AQP10: variants seen among roughly 807,000 people sequenced by gnomAD.
AQP10 encodes the protein aquaporin-10.
A neutral mutation model predicts 21.0 loss-of-function variants in AQP10; 15 were observed. The ratio of observed to expected loss-of-function variants is 0.71; its 90% CI spans 0.48 to 1.10. The LOEUF (loss-of-function observed/expected upper bound fraction) is 1.10, where lower values mean the gene tolerates loss of function less well. AQP10 is among the 50% of genes least tolerant of loss of function. The probability of loss-of-function intolerance (pLI) is 0.00; values close to 1 mark genes in which losing one functional copy is unlikely to be tolerated. For missense variants in AQP10, 268 were observed against 379.5 expected (o/e 0.71, Z 2.44); for synonymous variants, 143 against 155.7 (o/e 0.92, Z 0.61).
At position 154,324,212 on chromosome 1, in the gene AQP10, C is replaced by T. The variant is rs899101361; in HGVS notation, c.708-70C>T. On this transcript the variant is annotated intron_variant, in intron 5 of 5. Transcript: ENST00000324978. ...CTTTAGGGCACTCTCTTGTTACTGC[C>T]CCCCGTCCTTGGAGAGGGGAAGGCT... 2.8e-6 allele frequency: 4 copies of T among 1,407,540 alleles called. No individual in the cohort carries two copies. The African/African-American group carries it at 5.7e-5, about 20-fold the overall frequency. 87.2% of individuals were successfully genotyped at this position (1,407,540 alleles called of 1,614,324 possible).
At position 154,325,277 on chromosome 1, in the gene AQP10, G is replaced by T. The variant is rs1685741031; in HGVS notation, c.*797G>T. ...GGATGCTCGTTTTGCAGAGAAGGCA[G>T]TGTTCCTCTATTCCCTTCTTCCGAA... On this transcript the variant is annotated 3_prime_UTR_variant, in exon 6 of 6. Transcript: ENST00000324978. The T allele has an allele frequency of 6.6e-6, 1 of 152,264 alleles. No homozygotes were observed. Among genetic ancestry groups the T allele is most frequent in the Non-Finnish European group, 1.5e-5 (1 of 68,066 alleles). 9.4% of individuals were successfully genotyped at this position (152,264 alleles called of 1,614,324 possible).
intron 5 of AQP10, 156 bp from the exon 6 acceptor site, chr1:154,324,126 T>C: frequency 9.0e-7 from 1 of 1,110,926 alleles, no homozygotes; most frequent in Non-Finnish European, 1.2e-6. Flanking sequence ...TTCCCTCTTC[T>C]AAATACTATG....
chr1:154,321,835 T>G, intron 1 of AQP10, 98 bp from the exon 2 acceptor site: 2 of 1,539,090 alleles, frequency 1.3e-6, no homozygotes, highest in Non-Finnish European at 1.8e-6. Flanking sequence ...TTGTCTTCTG[T>G]GCTCATTCAT....
At position 154,323,395 on chromosome 1, in the gene AQP10, G is replaced by T. The variant is rs765827342; in HGVS notation, c.489+36G>T. 1.3e-6 allele frequency: 2 copies of T among 1,595,636 alleles called. No individual in the cohort carries two copies. The highest frequency in any genetic ancestry group is 1.1e-5 in the South Asian group (1 of 90,610). On this transcript the variant is annotated intron_variant, in intron 4 of 5. Transcript: ENST00000324978. The surrounding 1 kb of genome is among the most constrained non-coding windows in gnomAD (Gnocchi z 4.5). ...GGGGGAGACCTGGGGACACTACTTT[G>T]GTCCTGTTCCTCGGCACCCCAGCCT... is the stretch of plus-strand genomic sequence containing the variant.
At chr1:154,322,218 C>G (rs1685661296) in intron 2 of AQP10, among the ~76,000 whole-genome samples, 159 bp downstream of exon 2, 1 of 152,200 alleles carries the variant, frequency 6.6e-6, no homozygotes, top group South Asian at 2.1e-4. Context: ...ACCAGCCCCT[C>G]CTCTTTCTGT....
In AQP10 at chr1:154,324,074, A is replaced by G. The variant is rs926195212; in HGVS notation, c.708-208A>G. 11 of 1,287,536 alleles carry G rather than the reference A, an allele frequency of 8.5e-6. No individual in the cohort carries two copies. The Admixed American group carries it at 1.5e-4, about 17-fold the overall frequency. 79.8% of individuals were successfully genotyped at this position (1,287,536 alleles called of 1,614,324 possible). On this transcript the variant is annotated intron_variant, in intron 5 of 5. Transcript: ENST00000324978. ...TCATCAGCAAAATTAATATATTCAG[A>G]TAATTCCCTAAGGCAAGAGGCTGGA...
In AQP10 at chr1:154,323,571, G is replaced by A; in HGVS notation, c.490-18G>A. 6.2e-7 allele frequency: 1 copy of A among 1,607,496 alleles called. No individual in the cohort carries two copies. Among genetic ancestry groups the A allele is most frequent in the Non-Finnish European group, 8.5e-7 (1 of 1,174,754 alleles). On this transcript the variant is annotated intron_variant, in intron 4 of 5. Coordinates refer to ENST00000324978, the MANE Select transcript of AQP10 (RefSeq NM_080429.3). The surrounding 1 kb of genome is among the most constrained non-coding windows in gnomAD (Gnocchi z 4.5). ...CCTGGCAGCTGACAGGGAACCCTCT[G>A]CCTCTGTTGACTCCAAGGTTCTGGG...
chr1:154,321,356 C>T, intron 1 of AQP10, 96 bp downstream of exon 1: 1 of 882,556 alleles, frequency 1.1e-6, no homozygotes, highest in Non-Finnish European at 1.7e-6. Context: ...TGTCCCCCTT[C>T]CTCTCAACTC....
In AQP10 at chr1:154,322,495, T is replaced by C. The variant is rs113399423; in HGVS notation, c.232+436T>C. ...GGATTCACAGTGTCTTCTTCTTTTTTTTTTTTTTTTTTCTTTTTTTTTGAG... is the reference window on the plus strand; with the variant it reads ...GGATTCACAGTGTCTTCTTCTTTTTCTTTTTTTTTTTTCTTTTTTTTTGAG... On this transcript the variant is annotated intron_variant, in intron 2 of 5. Coordinates refer to ENST00000324978, the MANE Select transcript of AQP10 (RefSeq NM_080429.3). Among the ~76,000 whole-genome samples, 21 of 93,880 alleles carry C rather than the reference T, an allele frequency of 2.2e-4. 1 individual carries two copies. Among genetic ancestry groups the C allele is most frequent in the Non-Finnish European group, 3.5e-4 (15 of 42,568 alleles). The allele number at this position is 93,880 out of a possible 152,430, so 61.6% of individuals were successfully genotyped here. A position where few individuals can be genotyped will look rare whatever the true frequency, so the allele number is the denominator to read the frequency against.
rs777413423 is a variant in AQP10 at position 154,324,272 on chromosome 1, T to C, written c.708-10T>C. 1 of 1,531,040 alleles carries C rather than the reference T, an allele frequency of 6.5e-7. No individual in the cohort carries two copies. Among genetic ancestry groups the C allele is most frequent in the Non-Finnish European group, 8.7e-7 (1 of 1,144,256 alleles). 94.8% of individuals were successfully genotyped at this position (1,531,040 alleles called of 1,614,324 possible). On this transcript the variant is annotated splice_polypyrimidine_tract_variant and intron_variant, in intron 5 of 5. Transcript: ENST00000324978. ...ACTCCTGATACCTTCCCACTGTCCT[T>C]CTTTTGCAGTGCTGGTAATGGCTGG...
intron 2 of AQP10, 31 bp from the exon 3 acceptor site, chr1:154,322,951 G>T: frequency 6.2e-7 from 1 of 1,613,828 alleles, no homozygotes; most frequent in Non-Finnish European, 8.5e-7. Flanking sequence ...ACACTTAATA[G>T]ATGCTCTTTT....
intron 2 of AQP10, among the ~76,000 whole-genome samples, chr1:154,322,397 G>T (rs867630344): frequency 6.6e-6 from 1 of 151,992 alleles, no homozygotes; most frequent in South Asian, 2.1e-4. Flanking sequence ...ACACTGCATC[G>T]GTGTGCTTGG....
chr1:154,321,351 C>T (rs1685638027), intron 1 of AQP10, 91 bp downstream of exon 1: 1 of 994,152 alleles, frequency 1.0e-6, no homozygotes, highest in Non-Finnish European at 1.5e-6. Flanking sequence ...CTTGGTGTCC[C>T]CCTTCCTCTC....
rs1277298131 is a variant in AQP10 at position 154,323,790 on chromosome 1, G to T, written c.691G>T (p.Gly231Cys). ...TCTCTTCACCTACGTGGCTGGCTGG[G>T]GTCCTGAAGTCTTCAGGTGGGAGAC... is the stretch of plus-strand genomic sequence containing the variant. ...PRLFTYVAGW[G>C]PEVFSAGNGW... Residue 231 changes from glycine (G) to cysteine (C), a missense_variant, in exon 5 of 6, where the codon GGT (glycine) becomes TGT (cysteine). Gly to Cys is a radical substitution (Grantham distance 159). Around this residue, in one of 3 missense-constraint regions of AQP10, gnomAD observed 229 missense variants for 295.1 expected, o/e 0.78. Coordinates refer to ENST00000324978, the MANE Select transcript of AQP10 (RefSeq NM_080429.3). This position sits in a 1 kb window ranked among gnomAD's most constrained non-coding sequence, Gnocchi z 4.5. The T allele has an allele frequency of 6.2e-7, 1 of 1,614,066 alleles. No homozygotes were observed. The highest frequency in any genetic ancestry group is 2.2e-5 in the East Asian group (1 of 44,858).
chr1:154,324,621 A>C lies in AQP10; in HGVS notation c.*141A>C. The C allele has an allele frequency of 2.4e-6, 2 of 835,944 alleles. No individual in the cohort carries two copies. Among genetic ancestry groups the C allele is most frequent in the Non-Finnish European group, 3.6e-6 (2 of 552,210 alleles). The allele number at this position is 835,944 out of a possible 1,614,324, so 51.8% of individuals were successfully genotyped here. A position where few individuals can be genotyped will look rare whatever the true frequency, so the allele number is the denominator to read the frequency against. On this transcript the variant is annotated 3_prime_UTR_variant, in exon 6 of 6. Transcript: ENST00000324978. ...TATCTGTTTGGCATCCCTTCCTCCT[A>C]AACTAAGAAGGATCCTGGACAGGGA... is the stretch of plus-strand genomic sequence containing the variant.
chr1:154,321,214 T>C lies in AQP10; in HGVS notation c.59T>C (p.Leu20Pro), dbSNP rs1384556904. Residue 20 changes from leucine (L) to proline (P), a missense_variant, in exon 1 of 6, where the codon CTG becomes CCG. Around this residue, in one of 3 missense-constraint regions of AQP10, gnomAD observed 33 missense variants for 47.1 expected, o/e 0.70. Transcript: ENST00000324978. ...GGCCACCTCCGGATACGCAGCCTCC[T>C]GGCCCGGCAGTGCCTGGCAGAGTTT... Reference protein sequence around the residue: ...IMGHLRIRSLLARQCLAEFLG... With the variant: ...IMGHLRIRSLPARQCLAEFLG... 1 of 1,613,866 alleles carries C rather than the reference T, an allele frequency of 6.2e-7. No homozygotes were observed.
In AQP10 at chr1:154,322,424, T is replaced by C. The variant is rs146216898; in HGVS notation, c.232+365T>C. 1.1e-4 allele frequency among the ~76,000 whole-genome samples: 17 copies of C among 151,982 alleles called. No homozygotes were observed. The East Asian group carries it at 2.1e-3, about 19-fold the overall frequency. ...TGTGCTTGGGTGGAGCCTTGAGACA[T>C]AGTGTGTTGCTGTGGAAAAAGCAGA... On this transcript the variant is annotated intron_variant, in intron 2 of 5. Transcript: ENST00000324978.
In AQP10 at chr1:154,321,271, T is replaced by A; in HGVS notation, c.105+11T>A. Reference sequence around the variant, plus strand: ...GTGTTTGTACTCATGGTAGGTAGGATCACTGCGGGAAGGAAAGAAGGGGGT... The same window carrying A: ...GTGTTTGTACTCATGGTAGGTAGGAACACTGCGGGAAGGAAAGAAGGGGGT... On this transcript the variant is annotated intron_variant, in intron 1 of 5. Coordinates refer to ENST00000324978, the MANE Select transcript of AQP10 (RefSeq NM_080429.3). The A allele has an allele frequency of 6.2e-7, 1 of 1,608,216 alleles. No individual in the cohort carries two copies.
intron 2 of AQP10, among the ~76,000 whole-genome samples, chr1:154,322,295 G>A (rs749583881): frequency 2.6e-5 from 4 of 152,060 alleles, no homozygotes; most frequent in Non-Finnish European, 2.9e-5. Flanking sequence ...GGCAGGGCAC[G>A]AAGGGCAGCT....
Sources: gnomAD v4.1 joint callset for allele counts (sites outside exome capture counted in the v4.1 genomes callset) on GRCh38, gnomAD v4.1.1 for gene constraint, gnomAD v4.1.1 regional missense constraint, Gnocchi (gnomAD v3.1) non-coding constraint, MANE v1.5 for transcripts, NCBI Gene and HGNC (gene_info 2026-07-23, HGNC 2026-07-21) for gene names.